PLEKHA7: variants seen among roughly 807,000 people sequenced by gnomAD.
The protein encoded by PLEKHA7 is pleckstrin homology domain containing A7.
In PLEKHA7, 104 loss-of-function variants were observed where a neutral mutation model predicts 170.0. The ratio of observed to expected loss-of-function variants is 0.61; its 90% CI spans 0.52 to 0.72. The LOEUF (loss-of-function observed/expected upper bound fraction) is 0.72. Among genes scored for constraint, PLEKHA7 ranks in the 30% least tolerant of loss-of-function variants. The probability of loss-of-function intolerance (pLI) is 0.00; values close to 1 mark genes in which losing one functional copy is unlikely to be tolerated. For missense variants in PLEKHA7, 1,615 were observed against 1,671.7 expected, an observed-to-expected ratio of 0.97 and a Z score of 0.59; for synonymous variants, 648 against 660.8, an observed-to-expected ratio of 0.98 and a Z score of 0.30.
chr11:16,934,882 C>G (rs2136351795), intron 3 of PLEKHA7, among the ~76,000 whole-genome samples: 1 of 152,184 alleles, frequency 6.6e-6, no homozygotes, highest in Middle Eastern at 3.4e-3. Context: ...TTATCTCTTA[C>G]AGTAAAAAAA....
rs1462798092 is a variant in PLEKHA7, at chr11:16,806,802, C to T, written c.2008-3507G>A. On this transcript the variant is annotated intron_variant, in intron 13 of 26. Transcript: ENST00000531066. ...GGAAGATGACCAATAACTGCTGTTCCCTCCCAAGAAACTCATGCTCAACTC... is the reference window on the plus strand; with the variant it reads ...GGAAGATGACCAATAACTGCTGTTCTCTCCCAAGAAACTCATGCTCAACTC... 2.6e-5 allele frequency among the ~76,000 whole-genome samples: 4 copies of T among 152,282 alleles called. No homozygotes were observed. The South Asian group carries it at 6.2e-4, about 24-fold the overall frequency.
chr11:16,798,656 C>T (rs1426163538), intron 17 of PLEKHA7, among the ~76,000 whole-genome samples: 3 of 152,274 alleles, frequency 2.0e-5, no homozygotes, highest in African/African-American at 7.2e-5. Flanking sequence ...CAAGTGCTGA[C>T]AAGGATGTGA....
chr11:16,946,791 A>T (rs934768707), intron 3 of PLEKHA7, among the ~76,000 whole-genome samples: 2 of 151,262 alleles, frequency 1.3e-5, no homozygotes, highest in South Asian at 4.2e-4. Flanking sequence ...CTCCAGCAAC[A>T]CCCCCTCCCC....
chr11:16,902,993 A>C (rs1857433917), intron 3 of PLEKHA7, among the ~76,000 whole-genome samples: 1 of 152,232 alleles, frequency 6.6e-6, no homozygotes, highest in Non-Finnish European at 1.5e-5. Flanking sequence ...AGCAAAGGGC[A>C]AGGGGAGCTC....
At chr11:16,889,624 G>T (rs1278134251) in intron 3 of PLEKHA7, among the ~76,000 whole-genome samples, 1 of 151,422 alleles carries the variant, frequency 6.6e-6, no homozygotes, top group Admixed American at 6.6e-5. Context: ...TAAATAAAAT[G>T]AAATGAACAA....
intron 8 of PLEKHA7, among the ~76,000 whole-genome samples, chr11:16,846,817 A>G (rs1040886883): frequency 2.6e-5 from 4 of 152,190 alleles, no homozygotes; most frequent in Non-Finnish European, 2.9e-5. Context: ...CACGATTCCA[A>G]TTACACTTAA....
chr11:16,985,406 G>T (rs1333150108), intron 3 of PLEKHA7, among the ~76,000 whole-genome samples: 3 of 152,206 alleles, frequency 2.0e-5, no homozygotes, highest in Admixed American at 6.5e-5. Context: ...GAACTAGAAT[G>T]GACCCTGCCT....
At chr11:16,820,383 T>G (rs999898624) in intron 10 of PLEKHA7, among the ~76,000 whole-genome samples, 31 of 152,270 alleles carry the variant, frequency 2.0e-4, no homozygotes, top group African/African-American at 7.5e-4. Context: ...CAAATAAAGC[T>G]ATCTTTGCCA....
intron 4 of PLEKHA7, among the ~76,000 whole-genome samples, chr11:16,861,943 T>C (rs1316482218): frequency 1.3e-5 from 2 of 151,944 alleles, no homozygotes; most frequent in African/African-American, 4.8e-5. Context: ...CAATGCACAA[T>C]GAAAACTAGG....
chr11:16,892,117 T>C (rs1018487188), intron 3 of PLEKHA7, among the ~76,000 whole-genome samples: 19 of 152,190 alleles, frequency 1.2e-4, no homozygotes, highest in Non-Finnish European at 2.1e-4. Flanking sequence ...ATGTTGGTAA[T>C]GGAAGAATGC....
At chr11:16,859,206 C>T (rs902965794) in intron 4 of PLEKHA7, among the ~76,000 whole-genome samples, 6 of 152,230 alleles carry the variant, frequency 3.9e-5, no homozygotes, top group African/African-American at 1.4e-4. Context: ...CCTGACCTGG[C>T]TCTTTGAAAG....
intron 8 of PLEKHA7, among the ~76,000 whole-genome samples, chr11:16,845,502 G>A (rs1852323408): frequency 6.6e-6 from 1 of 152,088 alleles, no homozygotes; most frequent in African/African-American, 2.4e-5. Flanking sequence ...GAGTAGCCTG[G>A]ACTACAGGAA....
In PLEKHA7 at chr11:16,817,572, C is replaced by T. The variant is rs544864226; in HGVS notation, c.1344-250G>A. On this transcript the variant is annotated intron_variant, in intron 10 of 26. Coordinates refer to ENST00000531066, the MANE Select transcript of PLEKHA7 (RefSeq NM_001329630.2). The surrounding 1 kb of genome is among the most constrained non-coding windows in gnomAD (Gnocchi z 4.4). ...TACCCCATGCCCATCACTTGGAGTG[C>T]AATGTGATTAAACCTGGCTTTTCCT... Among the ~76,000 whole-genome samples the T allele has an allele frequency of 1.2e-4, 19 of 152,354 alleles. No homozygotes were observed. The highest frequency in any genetic ancestry group is 2.1e-4 in the South Asian group (1 of 4,832).
At chr11:16,840,339 T>C (rs1382250208) in intron 9 of PLEKHA7, among the ~76,000 whole-genome samples, 2 of 152,116 alleles carry the variant, frequency 1.3e-5, no homozygotes, top group East Asian at 3.9e-4. Context: ...GGTGGGTGGA[T>C]CACTTGAAGT....
At chr11:16,783,648 C>G in intron 25 of PLEKHA7, 52 bp downstream of exon 25, 3 of 1,341,460 alleles carry the variant, frequency 2.2e-6, no homozygotes, top group Non-Finnish European at 2.9e-6. Context: ...ATGGTAGAGA[C>G]GCCACCTGGG....
chr11:16,895,762 G>C (rs374315194), intron 3 of PLEKHA7, among the ~76,000 whole-genome samples: 72 of 152,340 alleles, frequency 4.7e-4, no homozygotes, highest in Middle Eastern at 6.8e-3. Context: ...TAACAGCCTA[G>C]TCATTGAGAC....
intron 9 of PLEKHA7, among the ~76,000 whole-genome samples, 160 bp downstream of exon 9, chr11:16,841,387 T>G (rs895552350): frequency 2.0e-5 from 3 of 152,054 alleles, no homozygotes; most frequent in Non-Finnish European, 4.4e-5. Flanking sequence ...ATTTCACCCT[T>G]CCAGGCCTTA....
chr11:16,800,591 G>C (rs890435992), intron 17 of PLEKHA7, among the ~76,000 whole-genome samples: 1 of 152,222 alleles, frequency 6.6e-6, no homozygotes, highest in Non-Finnish European at 1.5e-5. Context: ...GAGGGAAGGG[G>C]TGGGCACTTC....
At chr11:16,870,180 A>G (rs1228729985) in intron 4 of PLEKHA7, among the ~76,000 whole-genome samples, 1 of 152,190 alleles carries the variant, frequency 6.6e-6, no homozygotes, top group African/African-American at 2.4e-5. Flanking sequence ...GAGAACAGAA[A>G]GAACTCAGAA....
Sources: gnomAD v4.1 joint callset for allele counts (sites outside exome capture counted in the v4.1 genomes callset) on GRCh38, gnomAD v4.1.1 for gene constraint, Gnocchi (gnomAD v3.1) non-coding constraint, MANE v1.5 for transcripts, NCBI Gene and HGNC (gene_info 2026-07-23, HGNC 2026-07-21) for gene names.